Variants in JAZF1 observed in about 807,000 individuals in gnomAD.
JAZF1 encodes the protein juxtaposed with another zinc finger protein 1.
A neutral mutation model predicts 26.4 loss-of-function variants in JAZF1; 8 were observed. The ratio of observed to expected loss-of-function variants is 0.30; its 90% CI spans 0.18 to 0.55. The LOEUF is 0.55. Among genes scored for constraint, JAZF1 ranks in the 20% least tolerant of loss-of-function variants. The pLI, the probability that JAZF1 is intolerant of heterozygous loss-of-function variation, is 0.94. For synonymous variants in JAZF1, 126 were observed against 122.3 expected (o/e 1.03, Z -0.20); for missense variants, 199 against 322.0 (o/e 0.62, Z 2.92).
At chr7:28,082,633 C>T (rs917450234) in intron 1 of JAZF1, among the ~76,000 whole-genome samples, 4 of 152,140 alleles carry the variant, frequency 2.6e-5, no homozygotes, top group African/African-American at 4.8e-5. Context: ...TCTCCCTCCT[C>T]GCAGCCTCTT....
chr7:28,118,714 T>C (rs547270786), intron 1 of JAZF1, among the ~76,000 whole-genome samples: 3 of 152,016 alleles, frequency 2.0e-5, no homozygotes, highest in Admixed American at 2.0e-4. Context: ...ACTCTGTCAT[T>C]TGAGGTTGTA....
rs115270820 is a variant in JAZF1 at position 28,042,350 on chromosome 7, G to A, written c.116-50369C>T. Among the ~76,000 whole-genome samples the A allele has an allele frequency of 2.9e-3, 447 of 152,250 alleles. 4 individuals are homozygous for A. Among genetic ancestry groups the A allele is most frequent in the African/African-American group, 0.01 (432 of 41,558 alleles). ...GTGGGACAATTGCCCTGAAGGAAAT[G>A]GAGAAGCACAGAAGAATTCTGAGTC... On this transcript the variant is annotated intron_variant, in intron 1 of 4. Transcript: ENST00000283928.
chr7:28,077,104 G>A (rs780203314), intron 1 of JAZF1, among the ~76,000 whole-genome samples: 5 of 152,036 alleles, frequency 3.3e-5, no homozygotes, highest in Non-Finnish European at 7.4e-5. Context: ...CACTTACATT[G>A]GAATCTAAGA....
rs368688138 is a variant in JAZF1 at position 27,976,662 on chromosome 7, T to A, written c.188+15247A>T. ...GGCATGCCTTGTACTGTAATAAATA[T>A]GACTGCTCTCAGAAGACCATAAACA... On this transcript the variant is annotated intron_variant, in intron 2 of 4. Transcript: ENST00000283928. 5.9e-5 allele frequency among the ~76,000 whole-genome samples: 9 copies of A among 151,856 alleles called. No individual in the cohort carries two copies. The East Asian group carries it at 1.7e-3, about 29-fold the overall frequency.
chr7:28,094,814 C>A (rs1326550206), intron 1 of JAZF1, among the ~76,000 whole-genome samples: 1 of 152,056 alleles, frequency 6.6e-6, no homozygotes, highest in Non-Finnish European at 1.5e-5. Flanking sequence ...CAGAGGGGAC[C>A]AAGGGCCGAG....
At chr7:28,155,370 T>G (rs908083530) in intron 1 of JAZF1, among the ~76,000 whole-genome samples, 5 of 152,160 alleles carry the variant, frequency 3.3e-5, no homozygotes, top group African/African-American at 9.7e-5. Flanking sequence ...AATAATTCAC[T>G]CTCAGTTTAA....
chr7:28,145,504 A>C (rs940622370), intron 1 of JAZF1, among the ~76,000 whole-genome samples: 1 of 152,224 alleles, frequency 6.6e-6, no homozygotes, highest in Non-Finnish European at 1.5e-5. Flanking sequence ...ATTTAGCACC[A>C]TAGTTTCTTG....
intron 2 of JAZF1, among the ~76,000 whole-genome samples, chr7:27,910,278 T>C (rs1173911997): frequency 6.6e-6 from 1 of 152,226 alleles, no homozygotes; most frequent in Non-Finnish European, 1.5e-5. Context: ...TAAGCTCTCC[T>C]AGCCACCTTT....
intron 1 of JAZF1, among the ~76,000 whole-genome samples, chr7:28,153,799 C>T (rs1049931890): frequency 7.9e-5 from 12 of 152,160 alleles, no homozygotes; most frequent in Non-Finnish European, 1.3e-4. Context: ...GCAATGACCA[C>T]GGTGGGGTTA....
chr7:27,924,713 A>G (rs1784583643), intron 2 of JAZF1, among the ~76,000 whole-genome samples: 1 of 152,236 alleles, frequency 6.6e-6, no homozygotes, highest in Non-Finnish European at 1.5e-5. Flanking sequence ...TTGCTGTCAT[A>G]TGAAGGTACC....
intron 1 of JAZF1, among the ~76,000 whole-genome samples, chr7:28,010,215 G>C (rs77403702): frequency 6.6e-6 from 1 of 152,144 alleles, no homozygotes; most frequent in Non-Finnish European, 1.5e-5. Flanking sequence ...AGAAAATCAG[G>C]GGGTGAAAGG....
chr7:27,984,004 T>C (rs1304771771), intron 2 of JAZF1, among the ~76,000 whole-genome samples: 4 of 152,138 alleles, frequency 2.6e-5, no homozygotes, highest in Non-Finnish European at 4.4e-5. Context: ...ACATGCCAAA[T>C]TGTAAAGACC....
intron 2 of JAZF1, among the ~76,000 whole-genome samples, chr7:27,900,865 A>G (rs1224411240): frequency 6.6e-6 from 1 of 152,224 alleles, no homozygotes; most frequent in Non-Finnish European, 1.5e-5. Context: ...TGGAATATAT[A>G]TGCAAATCAA....
At chr7:28,150,295 C>T (rs889218072) in intron 1 of JAZF1, among the ~76,000 whole-genome samples, 2 of 152,106 alleles carry the variant, frequency 1.3e-5, no homozygotes, top group Admixed American at 6.5e-5. Flanking sequence ...CAGGGAATTG[C>T]CAATAATTTG....
intron 2 of JAZF1, among the ~76,000 whole-genome samples, chr7:27,930,375 A>G (rs535146957): frequency 6.6e-6 from 1 of 152,332 alleles, no homozygotes; most frequent in South Asian, 2.1e-4. Context: ...TGTATCTTAC[A>G]TGAAAATATA....
At position 28,024,132 on chromosome 7, in the gene JAZF1, T is replaced by A. The variant is rs1012444569; in HGVS notation, c.116-32151A>T. Among the ~76,000 whole-genome samples, 9 of 149,882 alleles carry A rather than the reference T, an allele frequency of 6.0e-5. No homozygotes were observed. In the South Asian group the frequency reaches 8.4e-4, roughly 14 times the overall value. On this transcript the variant is annotated intron_variant, in intron 1 of 4. Coordinates refer to ENST00000283928, the MANE Select transcript of JAZF1 (RefSeq NM_175061.4). ...AAGACCCATCTCTAAAAAAAAAAAA[T>A]AAAATAAAAAATTTAAAAATGAATA...
rs919510237 is a variant in JAZF1 at position 27,899,044 on chromosome 7, C to A, written c.189-3628G>T. 2.6e-5 allele frequency among the ~76,000 whole-genome samples: 4 copies of A among 152,338 alleles called. No homozygotes were observed. The East Asian group carries it at 7.7e-4, about 29-fold the overall frequency. ...TTAAAAAGGGCCCGTGTCTCCCCTG[C>A]ACTAGCATGCTGCTCCTCTTCCTCC... On this transcript the variant is annotated intron_variant, in intron 2 of 4. Coordinates refer to ENST00000283928, the MANE Select transcript of JAZF1 (RefSeq NM_175061.4).
intron 1 of JAZF1, among the ~76,000 whole-genome samples, chr7:28,036,109 C>G (rs1269250566): frequency 6.6e-6 from 1 of 152,170 alleles, no homozygotes; most frequent in Admixed American, 6.5e-5. Flanking sequence ...ATAATCATTT[C>G]TTTGTCTTGA....
intron 2 of JAZF1, among the ~76,000 whole-genome samples, chr7:27,929,619 G>A (rs1170098245): frequency 6.6e-6 from 1 of 152,196 alleles, no homozygotes; most frequent in East Asian, 1.9e-4. Flanking sequence ...CATGAGCTGT[G>A]TGACTTTGGG....
Sources: gnomAD v4.1 joint callset for allele counts (sites outside exome capture counted in the v4.1 genomes callset) on GRCh38, gnomAD v4.1.1 for gene constraint, MANE v1.5 for transcripts, NCBI Gene and HGNC (gene_info 2026-07-23, HGNC 2026-07-21) for gene names.